Variants in ANKRD12 observed in about 807,000 individuals in gnomAD.
ANKRD12 encodes the protein ankyrin repeat domain-containing protein 12.
ANKRD12 carries 85 observed loss-of-function variants against 183.4 expected under a neutral mutation model. That is an observed-to-expected ratio of 0.46 (90% CI 0.39 to 0.56). ANKRD12 has a LOEUF of 0.56. Ranked by LOEUF, ANKRD12 falls within the 20% of genes least tolerant of loss-of-function variation. The pLI is 0.00. For synonymous variants in ANKRD12, 914 were observed against 800.2 expected (o/e 1.14, Z -2.40); for missense variants, 2,405 against 2,357.1 (o/e 1.02, Z -0.42).
intron 1 of ANKRD12, among the ~76,000 whole-genome samples, chr18:9,152,822 C>A (rs1187656649): frequency 6.6e-6 from 1 of 152,058 alleles, no homozygotes; most frequent in Non-Finnish European, 1.5e-5. Context: ...AATGCTTTCT[C>A]ACTTTCCTGT....
intron 10 of ANKRD12, among the ~76,000 whole-genome samples, chr18:9,272,353 A>G (rs2039645304): frequency 2.0e-5 from 3 of 152,156 alleles, no homozygotes; most frequent in Non-Finnish European, 2.9e-5. Flanking sequence ...ACCTGAGGTC[A>G]GGAGTTCAAG....
chr18:9,175,345 A>G (rs952540948), intron 1 of ANKRD12, among the ~76,000 whole-genome samples: 10 of 152,032 alleles, frequency 6.6e-5, no homozygotes, highest in Non-Finnish European at 1.0e-4. Context: ...ATTGGCAACT[A>G]GAGGTGTTTT....
At chr18:9,222,164 A>C (rs1381931871) in intron 8 of ANKRD12, among the ~76,000 whole-genome samples, 165 bp downstream of exon 8, 1 of 152,196 alleles carries the variant, frequency 6.6e-6, no homozygotes, top group Non-Finnish European at 1.5e-5. Context: ...TTAGTAACCT[A>C]GGTGTTTGCT....
chr18:9,169,739 A>T (rs530048215), intron 1 of ANKRD12, among the ~76,000 whole-genome samples: 83 of 152,292 alleles, frequency 5.5e-4, no homozygotes, highest in African/African-American at 1.8e-3. Flanking sequence ...TTACGTATGA[A>T]TTTGATCCTG....
rs533655246 is a variant in ANKRD12, at chr18:9,237,811, G to T, written c.943+15812G>T. Among the ~76,000 whole-genome samples the T allele has an allele frequency of 4.6e-5, 7 of 152,270 alleles. No individual in the cohort carries two copies. The East Asian group carries it at 1.4e-3, about 29-fold the overall frequency. ...GGTAGCTAGTGGCAGAGGAGATGAT[G>T]ATTTGGATGGATGGAAAGGTCAAAG... On this transcript the variant is annotated intron_variant, in intron 8 of 12. Coordinates refer to ENST00000262126, the MANE Select transcript of ANKRD12 (RefSeq NM_015208.5).
At chr18:9,240,308 C>A (rs1490370712) in intron 8 of ANKRD12, among the ~76,000 whole-genome samples, 1 of 151,942 alleles carries the variant, frequency 6.6e-6, no homozygotes, top group African/African-American at 2.4e-5. Flanking sequence ...GTCTTTTTTC[C>A]CCTAACTTCT....
intron 6 of ANKRD12, among the ~76,000 whole-genome samples, chr18:9,214,476 C>T (rs540077710): frequency 6.6e-6 from 1 of 152,100 alleles, no homozygotes; most frequent in South Asian, 2.1e-4. Flanking sequence ...GTGACTGACA[C>T]AAATCATCTC....
chr18:9,202,459 A>T (rs1388847934), intron 3 of ANKRD12, among the ~76,000 whole-genome samples: 1 of 152,174 alleles, frequency 6.6e-6, no homozygotes, highest in Non-Finnish European at 1.5e-5. Context: ...CATGGCAGTT[A>T]TTCATGATAG....
chr18:9,254,326 T>C lies in ANKRD12; in HGVS notation c.1059T>C (p.Pro353=). The change falls in exon 9 of 13, where the codon CCT becomes CCC. Residue 353 remains proline (P), a synonymous_variant. Transcript: ENST00000262126. ...ESKQILPSKT[P]LPSALDEYEF... ...AACAGATACTTCCCAGTAAAACACC[T>C]CTTCCATCTGCCCTTGATGAGTATG... is the stretch of plus-strand genomic sequence containing the variant. 2 of 1,612,998 alleles carry C rather than the reference T, an allele frequency of 1.2e-6. No individual in the cohort carries two copies. Among genetic ancestry groups the C allele is most frequent in the Non-Finnish European group, 1.7e-6 (2 of 1,179,472 alleles).
At chr18:9,174,911 A>G (rs1319525123) in intron 1 of ANKRD12, among the ~76,000 whole-genome samples, 2 of 149,972 alleles carry the variant, frequency 1.3e-5, no homozygotes, top group Non-Finnish European at 1.5e-5. Flanking sequence ...GATAGTGACT[A>G]GAGCAAACAG....
chr18:9,231,631 T>A (rs944966919), intron 8 of ANKRD12, among the ~76,000 whole-genome samples: 2 of 151,914 alleles, frequency 1.3e-5, no homozygotes, highest in Admixed American at 6.6e-5. Context: ...ATCAAAACCA[T>A]CCTTGCTAAC....
intron 8 of ANKRD12, among the ~76,000 whole-genome samples, chr18:9,242,236 T>G (rs2037706508): frequency 6.6e-6 from 1 of 152,176 alleles, no homozygotes; most frequent in African/African-American, 2.4e-5. Flanking sequence ...ATGTAGTTAT[T>G]TATTGCAAAT....
intron 9 of ANKRD12, among the ~76,000 whole-genome samples, chr18:9,263,175 C>G (rs933324667): frequency 6.6e-6 from 1 of 152,056 alleles, no homozygotes; most frequent in Non-Finnish European, 1.5e-5. Context: ...CCGGAAAACA[C>G]CTCTCTTCTG....
chr18:9,189,122 C>A (rs77107313), intron 2 of ANKRD12, among the ~76,000 whole-genome samples: 48 of 152,244 alleles, frequency 3.2e-4, no homozygotes, highest in African/African-American at 1.1e-3. Context: ...TTAAAGTGAA[C>A]ACACCATAAG....
chr18:9,208,603 C>T (rs1598562737), intron 4 of ANKRD12, 54 bp from the exon 5 acceptor site: 10 of 1,516,094 alleles, frequency 6.6e-6, no homozygotes, highest in South Asian at 1.3e-5. Flanking sequence ...CTTAAACTTG[C>T]TTTTGAGTAC....
Position 9,254,913 on chromosome 18 carries a change from G to A in ANKRD12, c.1646G>A (p.Gly549Glu). The A allele has an allele frequency of 6.4e-7, 1 of 1,568,990 alleles. No individual in the cohort carries two copies. Among genetic ancestry groups the A allele is most frequent in the Non-Finnish European group, 8.6e-7 (1 of 1,161,220 alleles). ...STGKSPKHSC[G>E]LSEKQSTPLK... ...GGTAAATCTCCCAAACATTCTTGTG[G>A]ATTAAGTGAAAAACAGTCAACACCA... Residue 549 changes from glycine to glutamate, a missense_variant, in exon 9 of 13, where the codon GGA becomes GAA. By Grantham distance (98) the Gly-to-Glu change is moderately conservative. Around this residue, in one of 7 missense-constraint regions of ANKRD12, gnomAD observed 1,983 missense variants for 1,725.9 expected, o/e 1.15. Coordinates refer to ENST00000262126, the MANE Select transcript of ANKRD12 (RefSeq NM_015208.5).
At chr18:9,167,665 A>C (rs2032226133) in intron 1 of ANKRD12, among the ~76,000 whole-genome samples, 1 of 152,220 alleles carries the variant, frequency 6.6e-6, no homozygotes, top group Admixed American at 6.5e-5. Context: ...ATCTGCAAAC[A>C]GGGACAATTT....
chr18:9,280,543 C>T (rs980306145), intron 12 of ANKRD12, among the ~76,000 whole-genome samples: 53 of 152,164 alleles, frequency 3.5e-4, no homozygotes, highest in African/African-American at 1.2e-3. Context: ...AATCCCAGAA[C>T]TTTGGAAGGC....
chr18:9,256,777 A>C lies in ANKRD12; in HGVS notation c.3510A>C (p.Lys1170Asn). ...VSNRSQSVDT[K>N]NVMTLGKSSF... ...ACAGATCACAATCTGTTGACACCAA[A>C]AATGTAATGACTTTAGGGAAGTCAT... Residue 1170 changes from lysine (K) to asparagine (N), a missense_variant, in exon 9 of 13, where the codon AAA becomes AAC. Physicochemically the swap from Lys to Asn is moderately conservative, Grantham distance 94 (BLOSUM62 0). Coordinates refer to ENST00000262126, the MANE Select transcript of ANKRD12 (RefSeq NM_015208.5). The C allele has an allele frequency of 6.2e-7, 1 of 1,613,940 alleles. No homozygotes were observed. Among genetic ancestry groups the C allele is most frequent in the East Asian group, 2.2e-5 (1 of 44,884 alleles).
Sources: allele counts gnomAD v4.1 joint callset (sites outside exome capture counted in the v4.1 genomes callset), GRCh38; gene constraint gnomAD v4.1.1; regional missense constraint gnomAD v4.1.1; transcripts MANE v1.5; gene names NCBI Gene and HGNC (gene_info 2026-07-23, HGNC 2026-07-21).